SPINK5: variants seen among roughly 807,000 people sequenced by gnomAD.
The protein encoded by SPINK5 is serine protease inhibitor Kazal-type 5.
In SPINK5, 125 loss-of-function variants were observed where a neutral mutation model predicts 151.8. The ratio of observed to expected loss-of-function variants is 0.82; its 90% confidence interval spans 0.71 to 0.96. The LOEUF is 0.96. Among genes scored for constraint, SPINK5 ranks in the 40% least tolerant of loss-of-function variants. The pLI, the probability that SPINK5 is intolerant of heterozygous loss-of-function variation, is 0.00. For synonymous variants in SPINK5, 374 were observed against 395.3 expected, an observed-to-expected ratio of 0.95 and a Z score of 0.64; for missense variants, 1,194 against 1,291.9, an observed-to-expected ratio of 0.92 and a Z score of 1.16.
chr5:148,133,806 A>G lies in SPINK5; in HGVS notation c.3105A>G (p.Gln1035=), dbSNP rs760414598. Reference sequence around the variant, plus strand: ...CTCTGATCTGTTTTAGGATACGCCAAACAAATACACACATCCGCAGTACAG... The same window carrying G: ...CTCTGATCTGTTTTAGGATACGCCAGACAAATACACACATCCGCAGTACAG... ...CMLCHENLIR[Q]TNTHIRSTGK... The change falls in exon 32 of 33, where the codon CAA becomes CAG. Residue 1035 remains glutamine, a synonymous_variant. Coordinates refer to ENST00000256084, the MANE Select transcript of SPINK5 (RefSeq NM_006846.4). 5.0e-6 allele frequency: 8 copies of G among 1,613,800 alleles called. No individual in the cohort carries two copies. The African/African-American group carries it at 5.3e-5, about 11-fold the overall frequency.
At chr5:148,082,988 T>TC (rs1753060178) in intron 4 of SPINK5, among the ~76,000 whole-genome samples, 1 of 151,028 alleles carries the variant, frequency 6.6e-6, no homozygotes. Flanking sequence ...ATATTCTTTT[T>TC]TTTTTACTTA....
At chr5:148,101,697 G>T in intron 14 of SPINK5, 84 bp from the exon 15 acceptor site, 1 of 1,600,550 alleles carries the variant, frequency 6.2e-7, no homozygotes, top group South Asian at 1.1e-5. Context: ...CCTCGTTTAA[G>T]AAAAAAAGTA....
At chr5:148,073,940 A>C (rs994453529) in intron 4 of SPINK5, among the ~76,000 whole-genome samples, 2 of 151,404 alleles carry the variant, frequency 1.3e-5, no homozygotes, top group African/African-American at 4.8e-5. Flanking sequence ...AACTACTTAC[A>C]TAACCAAGTA....
chr5:148,112,028 T>G lies in SPINK5; in HGVS notation c.1820+133T>G, dbSNP rs1753947799. On this transcript the variant is annotated intron_variant, in intron 19 of 32. Coordinates refer to ENST00000256084, the MANE Select transcript of SPINK5 (RefSeq NM_006846.4). ...CTGTCTTTGCACTGAGTTTGGAAAT[T>G]TACTATTATAAAGCCATATATTCAG... 12 of 1,362,370 alleles carry G rather than the reference T, an allele frequency of 8.8e-6. No individual in the cohort carries two copies. The South Asian group carries it at 1.5e-4, about 17-fold the overall frequency. 84.4% of individuals were successfully genotyped at this position (1,362,370 alleles called of 1,614,324 possible). A position where few individuals can be genotyped will look rare whatever the true frequency, so the allele number is the denominator to read the frequency against.
intron 32 of SPINK5, chr5:148,134,141 A>C (rs766213878): frequency 3.9e-6 from 2 of 509,392 alleles, no homozygotes; most frequent in Non-Finnish European, 7.2e-6. Flanking sequence ...CAATGTCTCC[A>C]ACATAACGTT....
At chr5:148,074,841 A>T (rs1254183712) in intron 4 of SPINK5, among the ~76,000 whole-genome samples, 1 of 151,640 alleles carries the variant, frequency 6.6e-6, no homozygotes, top group African/African-American at 2.4e-5. Context: ...AAATATTCAG[A>T]TTTTTATAAT....
At chr5:148,122,117 G>A (rs1033454967) in intron 26 of SPINK5, among the ~76,000 whole-genome samples, 1 of 152,006 alleles carries the variant, frequency 6.6e-6, no homozygotes, top group Non-Finnish European at 1.5e-5. Flanking sequence ...CTATTCAGTG[G>A]TGATATTGTT....
Position 148,116,354 on chromosome 5 carries a change from A to G in SPINK5, c.2016-16A>G, listed in dbSNP as rs199513906. 1.5e-5 allele frequency: 24 copies of G among 1,613,550 alleles called. No individual in the cohort carries two copies. The East Asian group carries it at 5.3e-4, about 36-fold the overall frequency. On this transcript the variant is annotated splice_polypyrimidine_tract_variant and intron_variant, in intron 21 of 32. Coordinates refer to ENST00000256084, the MANE Select transcript of SPINK5 (RefSeq NM_006846.4). ...TGTAATCTATTGTTCCCTACCTCCC[A>G]CTTTCTAATTTCCAGCCAGAAAGAA...
chr5:148,102,332 TTAATAA>T (rs1380611021), intron 15 of SPINK5, among the ~76,000 whole-genome samples: 1 of 152,098 alleles, frequency 6.6e-6, no homozygotes, highest in African/African-American at 2.4e-5. Flanking sequence ...GTGACTACAG[TTAATAA>T]TAATGTATCA....
intron 18 of SPINK5, among the ~76,000 whole-genome samples, chr5:148,111,218 A>G (rs914474425): frequency 2.6e-5 from 4 of 151,768 alleles, no homozygotes; most frequent in African/African-American, 4.8e-5. Flanking sequence ...GCAATGTTAT[A>G]TCTCTCTGAC....
In SPINK5 at chr5:148,070,465, CT is replaced by C; in HGVS notation, c.209+18del. 6.2e-7 allele frequency: 1 copy of C among 1,610,300 alleles called. No individual in the cohort carries two copies. Among genetic ancestry groups the C allele is most frequent in the Non-Finnish European group, 8.5e-7 (1 of 1,177,572 alleles). ...AAAATGATACTGTGAGTAAAGGTTT[CT>C]TTCTTTCTTTCCAATGTTTGAGTTA... On this transcript the variant is annotated intron_variant, in intron 3 of 32. Transcript: ENST00000256084.
At chr5:148,093,534 AAAGT>A (rs1753369386) in intron 8 of SPINK5, among the ~76,000 whole-genome samples, 1 of 151,986 alleles carries the variant, frequency 6.6e-6, no homozygotes, top group African/African-American at 2.4e-5. Context: ...AAAATCAACT[AAAGT>A]AAGCATAACA....
intron 20 of SPINK5, among the ~76,000 whole-genome samples, chr5:148,113,366 T>C (rs147297915): frequency 3.3e-4 from 51 of 152,314 alleles, no homozygotes; most frequent in Non-Finnish European, 5.0e-4. Flanking sequence ...TGAGTATCAG[T>C]ACCAATAGCT....
chr5:148,076,039 C>A (rs939337887), intron 4 of SPINK5, among the ~76,000 whole-genome samples: 2 of 150,024 alleles, frequency 1.3e-5, no homozygotes, highest in Admixed American at 6.6e-5. Flanking sequence ...TCAAGAGATT[C>A]GCAAACTCCT....
chr5:148,077,397 CAAAAT>C (rs1752911930), intron 4 of SPINK5, among the ~76,000 whole-genome samples: 1 of 150,700 alleles, frequency 6.6e-6, no homozygotes, highest in Non-Finnish European at 1.5e-5. Context: ...AAAATTAAAA[CAAAAT>C]AAAGATATTA....
chr5:148,100,854 C>T (rs775592994), intron 13 of SPINK5, among the ~76,000 whole-genome samples: 2 of 152,092 alleles, frequency 1.3e-5, no homozygotes, highest in Non-Finnish European at 2.9e-5. Context: ...TAGCTTATCT[C>T]CGTGAATAAA....
rs1449896632 is a variant in SPINK5, at chr5:148,072,133, C to A, written c.210-15C>A. ...AAACAATGTTTAAACTATGCTATTT[C>A]TTGTCCTTTTCCAGGGAAAAAGAAG... is the stretch of plus-strand genomic sequence containing the variant. On this transcript the variant is annotated splice_polypyrimidine_tract_variant and intron_variant, in intron 3 of 32. Coordinates refer to ENST00000256084, the MANE Select transcript of SPINK5 (RefSeq NM_006846.4). 1 of 1,610,770 alleles carries A rather than the reference C, an allele frequency of 6.2e-7. No individual in the cohort carries two copies.
rs141872837 is a variant in SPINK5 at position 148,076,575 on chromosome 5, A to C, written c.282+4355A>C. 6.3e-3 allele frequency among the ~76,000 whole-genome samples: 956 copies of C among 151,858 alleles called. 10 individuals are homozygous for C. The highest frequency in any genetic ancestry group is 0.022 in the African/African-American group (912 of 41,492). On this transcript the variant is annotated intron_variant, in intron 4 of 32. Coordinates refer to ENST00000256084, the MANE Select transcript of SPINK5 (RefSeq NM_006846.4). ...AATTTTCAAAGTAACAAGAATATAC[A>C]ACCCATACTCAAGAAAAATAATTAA...
At position 148,104,940 on chromosome 5, in the gene SPINK5, G is replaced by A. The variant is rs368134354; in HGVS notation, c.1431-12G>A. The A allele has an allele frequency of 3.2e-5, 52 of 1,606,364 alleles. No individual in the cohort carries two copies. Among genetic ancestry groups the A allele is most frequent in the Middle Eastern group, 1.7e-4 (1 of 6,016 alleles). ...CCATTTCTTCTCTCTTTTTCTTTTC[G>A]GTTTCTTAAAGTCAACAAGAAGAAA... On this transcript the variant is annotated splice_polypyrimidine_tract_variant and intron_variant, in intron 15 of 32. Coordinates refer to ENST00000256084, the MANE Select transcript of SPINK5 (RefSeq NM_006846.4).
Sources: gnomAD v4.1 joint callset for allele counts (sites outside exome capture counted in the v4.1 genomes callset) on GRCh38, gnomAD v4.1.1 for gene constraint, MANE v1.5 for transcripts, NCBI Gene and HGNC (gene_info 2026-07-23, HGNC 2026-07-21) for gene names.